AP3B2: variants seen among roughly 807,000 people sequenced by gnomAD.
AP3B2 encodes the protein AP-3 complex subunit beta-2.
AP3B2 carries 50 observed loss-of-function variants against 126.9 expected under a neutral mutation model. The observed-to-expected ratio is 0.39, with a 90% CI of 0.31 to 0.50. The LOEUF (loss-of-function observed/expected upper bound fraction) is 0.50. Among genes scored for constraint, AP3B2 ranks in the 20% least tolerant of loss-of-function variants. AP3B2 has a pLI of 0.79. For synonymous variants in AP3B2, 541 were observed against 565.0 expected (o/e 0.96, Z 0.60); for missense variants, 1,177 against 1,426.4 (o/e 0.83, Z 2.82).
chr15:82,680,367 T>C lies in AP3B2; in HGVS notation c.1055+105A>G, dbSNP rs1410203855. 6.9e-7 allele frequency: 1 copy of C among 1,452,516 alleles called. No homozygotes were observed. Among genetic ancestry groups the C allele is most frequent in the Non-Finnish European group, 9.2e-7 (1 of 1,090,642 alleles). The allele number at this position is 1,452,516 out of a possible 1,614,324, so 90.0% of individuals were successfully genotyped here. On this transcript the variant is annotated intron_variant, in intron 8 of 26. Transcript: ENST00000535359. The surrounding 1 kb of genome is among the most constrained non-coding windows in gnomAD (Gnocchi z 6.1). ...AGGACTACGGTCAGTGTGGAGCGGG[T>C]GGGCAGAGGTGGAAGCGGCTGGTGG... is the stretch of plus-strand genomic sequence containing the variant.
intron 4 of AP3B2, among the ~76,000 whole-genome samples, chr15:82,683,061 T>G (rs985611875): frequency 7.3e-6 from 1 of 136,818 alleles, no homozygotes; most frequent in African/African-American, 2.8e-5. Context: ...TTTTTTTTTT[T>G]TTTTTTTTTT....
Position 82,663,974 on chromosome 15 carries a change from C to T in AP3B2, c.2263G>A (p.Glu755Lys). 6.2e-7 allele frequency: 1 copy of T among 1,601,960 alleles called. No homozygotes were observed. The highest frequency in any genetic ancestry group is 8.5e-7 in the Non-Finnish European group (1 of 1,179,334). ...DEEKGRGSESEQSEEDGKRKT... is the reference protein window; with the variant it reads ...DEEKGRGSESKQSEEDGKRKT... The stretch of plus-strand genomic sequence containing the variant: ...CTCTTACCATCCTCCTCACTCTGTT[C>T]ACTGAAGGAGTGGGAAAGGTTGGCT... The change falls in exon 20 of 27, where the codon GAA (glutamate) becomes AAA (lysine). Residue 755 changes from glutamate to lysine, a missense_variant and splice_region_variant. Glu to Lys is a moderately conservative substitution (Grantham distance 56, BLOSUM62 1). Transcript: ENST00000535359.
rs775082950 is a variant in AP3B2, at chr15:82,663,214, C to A, written c.2517G>T (p.Gln839His). The change falls in exon 22 of 27, where the codon CAG (glutamine) becomes CAT (histidine). Residue 839 changes from glutamine (Q) to histidine (H), a missense_variant. By Grantham distance (24) the Gln-to-His change is conservative. Coordinates refer to ENST00000535359, the MANE Select transcript of AP3B2 (RefSeq NM_001278512.2). The stretch of plus-strand genomic sequence containing the variant: ...ACACAATTGCTGGGGGAGACACAGG[C>A]TGGACACTGGGAGGGGTGACTGTGG... ...DLEDFTPPSV[Q>H]PVSPPAIVST... 6.2e-7 allele frequency: 1 copy of A among 1,613,022 alleles called. No homozygotes were observed. Among genetic ancestry groups the A allele is most frequent in the East Asian group, 2.2e-5 (1 of 44,874 alleles).
Position 82,688,840 on chromosome 15 carries a change from G to A in AP3B2, c.265-9C>T, listed in dbSNP as rs773056650. The A allele has an allele frequency of 2.5e-6, 4 of 1,606,464 alleles. No individual in the cohort carries two copies. Among genetic ancestry groups the A allele is most frequent in the South Asian group, 1.1e-5 (1 of 89,490 alleles). On this transcript the variant is annotated splice_polypyrimidine_tract_variant and intron_variant, in intron 3 of 26. Coordinates refer to ENST00000535359, the MANE Select transcript of AP3B2 (RefSeq NM_001278512.2). Reference sequence around the variant, plus strand: ...TAGACAAGCTTCTTCACCTTGGGGAGAGCACGTTTCTCAGCAGAACGCTTC... The same window carrying A: ...TAGACAAGCTTCTTCACCTTGGGGAAAGCACGTTTCTCAGCAGAACGCTTC...
rs770396982 is a variant in AP3B2 at position 82,688,848 on chromosome 15, T to A, written c.265-17A>T. On this transcript the variant is annotated splice_polypyrimidine_tract_variant and intron_variant, in intron 3 of 26. Coordinates refer to ENST00000535359, the MANE Select transcript of AP3B2 (RefSeq NM_001278512.2). Reference sequence around the variant, plus strand: ...CTTCTTCACCTTGGGGAGAGCACGTTTCTCAGCAGAACGCTTCTCAGCAGG... The same window carrying A: ...CTTCTTCACCTTGGGGAGAGCACGTATCTCAGCAGAACGCTTCTCAGCAGG... 5 of 1,601,126 alleles carry A rather than the reference T, an allele frequency of 3.1e-6. No homozygotes were observed. Among genetic ancestry groups the A allele is most frequent in the Non-Finnish European group, 4.3e-6 (5 of 1,173,156 alleles).
chr15:82,706,174 A>G (rs1174081898), intron 1 of AP3B2, among the ~76,000 whole-genome samples: 2 of 151,450 alleles, frequency 1.3e-5, no homozygotes, highest in Admixed American at 1.3e-4. Flanking sequence ...TGCTCAACTC[A>G]CTCTCTACAG....
Position 82,681,326 on chromosome 15 carries a change from G to A in AP3B2, c.521+94C>T. ...CCAAACTACCCTCCTCAAACCCTCT[G>A]AGAAGCAGCAGGCAAGACTTAGGAA... On this transcript the variant is annotated intron_variant, in intron 5 of 26. Coordinates refer to ENST00000535359, the MANE Select transcript of AP3B2 (RefSeq NM_001278512.2). The surrounding 1 kb of genome is among the most constrained non-coding windows in gnomAD (Gnocchi z 4.0). The A allele has an allele frequency of 1.9e-6, 3 of 1,561,894 alleles. No individual in the cohort carries two copies. Among genetic ancestry groups the A allele is most frequent in the Non-Finnish European group, 2.6e-6 (3 of 1,148,006 alleles).
chr15:82,672,599 C>T (rs1290899865), intron 14 of AP3B2, among the ~76,000 whole-genome samples: 1 of 151,972 alleles, frequency 6.6e-6, no homozygotes. Context: ...TTATAAATAA[C>T]TAAGAGAGTG....
chr15:82,691,986 C>T, intron 1 of AP3B2: 1 of 1,449,590 alleles, frequency 6.9e-7, no homozygotes. Flanking sequence ...CAGACATCCC[C>T]AACTTCTCGC....
chr15:82,688,829 C>T lies in AP3B2; in HGVS notation c.267G>A (p.Val89=), dbSNP rs1306141054. 6.2e-7 allele frequency: 1 copy of T among 1,610,248 alleles called. No individual in the cohort carries two copies. The highest frequency in any genetic ancestry group is 8.5e-7 in the Non-Finnish European group (1 of 1,178,180). The change falls in exon 4 of 27, where the codon GTG becomes GTA. Residue 89 remains valine (V), a splice_region_variant and synonymous_variant. Coordinates refer to ENST00000535359, the MANE Select transcript of AP3B2 (RefSeq NM_001278512.2). ...VKNVACKNIE[V]KKLVYVYLVR... is the part of the protein sequence containing the mutation. The stretch of plus-strand genomic sequence containing the variant: ...CCAGGTACACATAGACAAGCTTCTT[C>T]ACCTTGGGGAGAGCACGTTTCTCAG...
chr15:82,703,975 CT>C (rs1346822430), intron 1 of AP3B2, among the ~76,000 whole-genome samples: 3 of 152,182 alleles, frequency 2.0e-5, no homozygotes, highest in Admixed American at 2.0e-4. Flanking sequence ...ATCACCTCCT[CT>C]CCCCACACCC....
intron 13 of AP3B2, 77 bp from the exon 14 acceptor site, chr15:82,676,714 C>T (rs2048247837): frequency 6.9e-7 from 1 of 1,441,460 alleles, no homozygotes; most frequent in South Asian, 1.3e-5. Context: ...TCCAGGGAAA[C>T]AGCACTCCTC....
chr15:82,709,697 C>T lies in AP3B2; in HGVS notation c.10G>A (p.Ala4Thr). 1 of 1,486,730 alleles carries T rather than the reference C, an allele frequency of 6.7e-7. No homozygotes were observed. Among genetic ancestry groups the T allele is most frequent in the Non-Finnish European group, 8.9e-7 (1 of 1,118,866 alleles). 92.1% of individuals were successfully genotyped at this position (1,486,730 alleles called of 1,614,324 possible). ...CCCTTGTCTTCGCTGTAGGCGGGGG[C>T]GGCCGACATGGGGCGGCCAGGGAGA... MSAAPAYSEDKGGS... is the reference protein window; with the variant it reads MSATPAYSEDKGGS... Residue 4 changes from alanine (A) to threonine (T), a missense_variant, in exon 1 of 27, where the codon GCC becomes ACC. Physicochemically the swap from Ala to Thr is moderately conservative, Grantham distance 58 (BLOSUM62 0). Coordinates refer to ENST00000535359, the MANE Select transcript of AP3B2 (RefSeq NM_001278512.2).
At chr15:82,694,685 T>TAA (rs202118889) in intron 1 of AP3B2, among the ~76,000 whole-genome samples, 10 of 129,538 alleles carry the variant, frequency 7.7e-5, no homozygotes, top group Non-Finnish European at 6.7e-5. Flanking sequence ...AACCTGTCTC[T>TAA]AAAAAAAAAA....
At chr15:82,671,741 CA>C (rs33972329) in intron 14 of AP3B2, among the ~76,000 whole-genome samples, 1 of 142,442 alleles carries the variant, frequency 7.0e-6, no homozygotes, top group African/African-American at 2.6e-5. Context: ...AACACCATCT[CA>C]AAAAAAAACA....
At position 82,680,517 on chromosome 15, in the gene AP3B2, A is replaced by G. The variant is rs1403918747; in HGVS notation, c.1010T>C (p.Val337Ala). Reference protein sequence around the residue: ...LYFHLAPKAEVGVIAKALVRL... With the variant: ...LYFHLAPKAEAGVIAKALVRL... ...CACCAGCGCCTTGGCGATGACGCCC[A>G]CTTCCGCCTTGGGCGCCAGGTGGAA... Residue 337 changes from valine (V) to alanine (A), a missense_variant, in exon 8 of 27, where the codon GTG becomes GCG. Around this residue, in one of 5 missense-constraint regions of AP3B2, gnomAD observed 308 missense variants for 452.4 expected, o/e 0.68. Transcript: ENST00000535359. This position sits in a 1 kb window ranked among gnomAD's most constrained non-coding sequence, Gnocchi z 6.1. The G allele has an allele frequency of 6.5e-7, 1 of 1,536,926 alleles. No homozygotes were observed. The highest frequency in any genetic ancestry group is 1.2e-5 in the South Asian group (1 of 84,482).
chr15:82,666,638 C>G (rs1020970830), intron 15 of AP3B2, 109 bp downstream of exon 15: 1 of 1,262,464 alleles, frequency 7.9e-7, no homozygotes, highest in Non-Finnish European at 1.1e-6. Context: ...GCAGGACTGT[C>G]CACAGAAGCC....
At chr15:82,689,260 G>A in intron 2 of AP3B2, 28 bp from the exon 3 acceptor site, 2 of 1,613,674 alleles carry the variant, frequency 1.2e-6, no homozygotes, top group Non-Finnish European at 8.5e-7. Context: ...GGTAGGGGAA[G>A]AGGGACAAAG....
chr15:82,699,155 T>G (rs1035072799), intron 1 of AP3B2: 1 of 153,550 alleles, frequency 6.5e-6, no homozygotes, highest in Admixed American at 6.5e-5. Context: ...GGGACTCTTC[T>G]GGGGGTGGCT....
Sources: allele counts gnomAD v4.1 joint callset (sites outside exome capture counted in the v4.1 genomes callset), GRCh38; gene constraint gnomAD v4.1.1; regional missense constraint gnomAD v4.1.1; non-coding constraint Gnocchi (gnomAD v3.1); transcripts MANE v1.5; gene names NCBI Gene and HGNC (gene_info 2026-07-23, HGNC 2026-07-21).